The following RPP40 variants were observed in gnomAD, a reference collection of about 807,000 sequenced individuals.
The protein encoded by RPP40 is ribonuclease P/MRP subunit p40, also known as ribonuclease P protein subunit p40.
RPP40 carries 30 observed loss-of-function variants against 42.5 expected under a neutral mutation model. That is an observed-to-expected ratio of 0.71 (90% CI 0.53 to 0.96). The LOEUF is 0.96. RPP40 is among the 40% of genes least tolerant of loss of function. The pLI is 0.00. For synonymous variants in RPP40, 173 were observed against 164.0 expected (o/e 1.05, Z -0.42); for missense variants, 426 against 433.5 (o/e 0.98, Z 0.15).
intron 1 of RPP40, among the ~76,000 whole-genome samples, chr6:5,002,740 G>A (rs1759601719): frequency 6.6e-6 from 1 of 152,196 alleles, no homozygotes; most frequent in Non-Finnish European, 1.5e-5. Context: ...TCATTTTCGA[G>A]ACAGAAAAAT....
At position 4,994,961 on chromosome 6, in the gene RPP40, G is replaced by A. The variant is rs1759324317; in HGVS notation, c.*117C>T. 1.1e-6 allele frequency: 1 copy of A among 914,640 alleles called. No homozygotes were observed. The highest frequency in any genetic ancestry group is 1.6e-6 in the Non-Finnish European group (1 of 612,474). 56.7% of individuals were successfully genotyped at this position (914,640 alleles called of 1,614,324 possible). A position where few individuals can be genotyped will look rare whatever the true frequency, so the allele number is the denominator to read the frequency against. On this transcript the variant is annotated 3_prime_UTR_variant, in exon 8 of 8. Coordinates refer to ENST00000380051, the MANE Select transcript of RPP40 (RefSeq NM_006638.4). ...GGTGCAGGGCAGGATGCCAGCAAATGCTGATCTGAGAAATGTCACCATCAC... is the reference window on the plus strand; with the variant it reads ...GGTGCAGGGCAGGATGCCAGCAAATACTGATCTGAGAAATGTCACCATCAC...
rs150858722 is a variant in RPP40 at position 5,000,556 on chromosome 6, G to A, written c.337+7C>T. 5,279 of 1,268,260 alleles carry A rather than the reference G, an allele frequency of 4.2e-3. 21 individuals are homozygous for A. Among genetic ancestry groups the A allele is most frequent in the Middle Eastern group, 5.6e-3 (29 of 5,180 alleles). 78.6% of individuals were successfully genotyped at this position (1,268,260 alleles called of 1,614,324 possible). A position where few individuals can be genotyped will look rare whatever the true frequency, so the allele number is the denominator to read the frequency against. On this transcript the variant is annotated splice_region_variant and intron_variant, in intron 3 of 7. Coordinates refer to ENST00000380051, the MANE Select transcript of RPP40 (RefSeq NM_006638.4). The stretch of plus-strand genomic sequence containing the variant: ...AATTAAAGAAAGATGAAAAAATAAA[G>A]TGTTACCATTTGGTAGCAGGGCAAC...
downstream of RPP40, among the ~76,000 whole-genome samples, chr6:4,991,341 T>C (rs555756631): frequency 3.3e-5 from 5 of 152,360 alleles, no homozygotes; most frequent in Admixed American, 2.6e-4. Flanking sequence ...CATGTGTACT[T>C]GCGAAAAACT....
At chr6:5,003,215 C>T (rs998884632) in intron 1 of RPP40, among the ~76,000 whole-genome samples, 1 of 151,690 alleles carries the variant, frequency 6.6e-6, no homozygotes, top group Non-Finnish European at 1.5e-5. Flanking sequence ...GGCGTGGTGG[C>T]GCGCGCCTGT....
rs548975425 is a variant in RPP40 at position 4,999,361 on chromosome 6, C to G, written c.433+448G>C. Among the ~76,000 whole-genome samples, 7 of 130,314 alleles carry G rather than the reference C, an allele frequency of 5.4e-5. No homozygotes were observed. In the Admixed American group the frequency reaches 6.6e-4, roughly 12 times the overall value. The allele number at this position is 130,314 out of a possible 152,430, so 85.5% of individuals were successfully genotyped here. A position where few individuals can be genotyped will look rare whatever the true frequency, so the allele number is the denominator to read the frequency against. ...GTCGCCAGGCTGAAGTGCAGTGGTGCGATCTTGGCTCACTGCAAACTCCCC... is the reference window on the plus strand; with the variant it reads ...GTCGCCAGGCTGAAGTGCAGTGGTGGGATCTTGGCTCACTGCAAACTCCCC... On this transcript the variant is annotated intron_variant, in intron 4 of 7. Coordinates refer to ENST00000380051, the MANE Select transcript of RPP40 (RefSeq NM_006638.4).
In RPP40 at chr6:5,002,268, C is replaced by T; in HGVS notation, c.124-23G>A. The stretch of plus-strand genomic sequence containing the variant: ...AACCTATTGGAATGTGTAATACAAA[C>T]AAGGTCTTACTTCCATGAAGATGAA... On this transcript the variant is annotated intron_variant, in intron 1 of 7. Transcript: ENST00000380051. The T allele has an allele frequency of 1.9e-6, 3 of 1,575,242 alleles. No individual in the cohort carries two copies. In the South Asian group the frequency reaches 3.6e-5, roughly 19 times the overall value.
intron 5 of RPP40, among the ~76,000 whole-genome samples, chr6:4,998,420 G>C (rs1759446406): frequency 6.6e-6 from 1 of 152,166 alleles, no homozygotes; most frequent in Non-Finnish European, 1.5e-5. Context: ...AGGTAAGCTG[G>C]AGAGAGGAAA....
At chr6:4,999,305 T>G (rs1581321955) in intron 4 of RPP40, among the ~76,000 whole-genome samples, 1 of 144,320 alleles carries the variant, frequency 6.9e-6, no homozygotes, top group East Asian at 2.0e-4. Context: ...TTTTTTTTTT[T>G]TTTTTTTTTT....
downstream of RPP40, among the ~76,000 whole-genome samples, chr6:4,994,136 G>T (rs1174079808): frequency 6.6e-6 from 1 of 150,658 alleles, no homozygotes; most frequent in Non-Finnish European, 1.5e-5. Flanking sequence ...TTAAAAAAAT[G>T]GTTCTTCAGA....
the RPP40 span, among the ~76,000 whole-genome samples, chr6:4,989,347 G>T: frequency 8.5e-4 from 129 of 152,192 alleles, no homozygotes; most frequent in African/African-American, 3.1e-3. Flanking sequence ...TAAAAATCTA[G>T]TAATATTAGT....
Position 4,998,532 on chromosome 6 carries a change from C to T in RPP40, c.559+184G>A, listed in dbSNP as rs114853908. Among the ~76,000 whole-genome samples the T allele has an allele frequency of 8.9e-3, 1,363 of 152,344 alleles. 26 individuals are homozygous for T. The highest frequency in any genetic ancestry group is 0.03 in the African/African-American group (1,255 of 41,578). On this transcript the variant is annotated intron_variant, in intron 5 of 7. Coordinates refer to ENST00000380051, the MANE Select transcript of RPP40 (RefSeq NM_006638.4). The stretch of plus-strand genomic sequence containing the variant: ...GCAGGCAGAAAGGCCTGCGTGCCTA[C>T]ATGATCCTGAACTATGGTTTTCAGA...
intron 5 of RPP40, 57 bp from the exon 6 acceptor site, chr6:4,996,477 T>C: frequency 6.5e-7 from 1 of 1,539,266 alleles, no homozygotes; most frequent in Non-Finnish European, 8.9e-7. Flanking sequence ...TAAGCAAGTT[T>C]AGTGAATACC....
intron 4 of RPP40, among the ~76,000 whole-genome samples, chr6:4,999,487 TG>T (rs1396358125): frequency 6.6e-6 from 1 of 151,956 alleles, no homozygotes; most frequent in Non-Finnish European, 1.5e-5. Flanking sequence ...TTAGCAGAGA[TG>T]GGGTTTCGCC....
chr6:4,992,368 C>A (rs1303265359), downstream of RPP40, among the ~76,000 whole-genome samples: 15 of 108,718 alleles, frequency 1.4e-4, no homozygotes, highest in Middle Eastern at 4.3e-3. Context: ...GGCTCTGTCT[C>A]AAAAAAAAAA....
chr6:4,995,099 T>C lies in RPP40; in HGVS notation c.1071A>G (p.Ala357=), dbSNP rs760513502. The C allele has an allele frequency of 1.9e-5, 31 of 1,613,406 alleles. No individual in the cohort carries two copies. In the Admixed American group the frequency reaches 5.2e-4, roughly 27 times the overall value. ...QDYWLQMAVG[A]NDHCPP ...TTTTTTATGGTGGACAGTGATCATT[T>C]GCCCCAACAGCCATCTGAAGCCAAT... Residue 357 remains alanine, a synonymous_variant, in exon 8 of 8, where the codon GCA becomes GCG. Transcript: ENST00000380051.
chr6:4,996,341 C>G lies in RPP40; in HGVS notation c.639G>C (p.Thr213=), dbSNP rs775710811. The part of the protein sequence containing the change: ...QEHQPKVALS[T]LRDLQCPVLQ... ...GCACTGGGCACTGGAGATCTCTCAACGTGCTCAGTGCTACTTTTGGCTGAT... is the reference window on the plus strand; with the variant it reads ...GCACTGGGCACTGGAGATCTCTCAAGGTGCTCAGTGCTACTTTTGGCTGAT... Residue 213 remains threonine, a synonymous_variant, in exon 6 of 8, where the codon ACG becomes ACC. Coordinates refer to ENST00000380051, the MANE Select transcript of RPP40 (RefSeq NM_006638.4). The G allele has an allele frequency of 6.2e-7, 1 of 1,614,108 alleles. No individual in the cohort carries two copies. Among genetic ancestry groups the G allele is most frequent in the Non-Finnish European group, 8.5e-7 (1 of 1,180,028 alleles).
At chr6:4,997,039 T>C (rs963960151) in intron 5 of RPP40, among the ~76,000 whole-genome samples, 1 of 152,236 alleles carries the variant, frequency 6.6e-6, no homozygotes, top group Non-Finnish European at 1.5e-5. Flanking sequence ...CTGGAGTTCT[T>C]AAACTCCAGG....
At chr6:5,001,083 C>T (rs1219829619) in intron 2 of RPP40, 16 of 456,948 alleles carry the variant, frequency 3.5e-5, no homozygotes, top group African/African-American at 1.2e-4. Context: ...TGACTCAGAA[C>T]GGAACGTGAC....
intron 1 of RPP40, among the ~76,000 whole-genome samples, chr6:5,002,567 A>G (rs1759595365): frequency 6.6e-6 from 1 of 152,170 alleles, no homozygotes; most frequent in Non-Finnish European, 1.5e-5. Flanking sequence ...TCCTTTCACT[A>G]TTTTATTTTC....
Sources: allele counts gnomAD v4.1 joint callset (sites outside exome capture counted in the v4.1 genomes callset), GRCh38; gene constraint gnomAD v4.1.1; transcripts MANE v1.5; gene names NCBI Gene and HGNC (gene_info 2026-07-23, HGNC 2026-07-21).